Variants in HEATR1 observed in about 807,000 individuals in gnomAD.
HEATR1 encodes HEAT repeat-containing protein 1.
HEATR1 carries 77 observed loss-of-function variants against 248.2 expected under a neutral mutation model. The ratio of observed to expected loss-of-function variants is 0.31; its 90% confidence interval spans 0.26 to 0.37. The LOEUF (loss-of-function observed/expected upper bound fraction) is 0.37, where lower values mean the gene tolerates loss of function less well. Among genes scored for constraint, HEATR1 ranks in the 10% least tolerant of loss-of-function variants. The pLI is 1.00. For missense variants in HEATR1, 2,420 were observed against 2,504.9 expected (o/e 0.97, Z 0.72); for synonymous variants, 897 against 923.1 (o/e 0.97, Z 0.51).
intron 11 of HEATR1, among the ~76,000 whole-genome samples, chr1:236,591,759 C>G (rs1190861204): frequency 2.6e-5 from 4 of 152,150 alleles, no homozygotes; most frequent in Admixed American, 6.5e-5. Flanking sequence ...TCAAACAATA[C>G]TTTTCCTGAA....
rs1663354646 is a variant in HEATR1, at chr1:236,569,118, C to T, written c.3955G>A (p.Val1319Ile). ...AAAATAGACATGATATTGTGTAAAA[C>T]TTTATCCTGAAAGAAAACACAACTA... The part of the protein sequence containing the change: ...GTVAGIFPDK[V>I]LHNIMSIFTF... The change falls in exon 29 of 45, where the codon GTT (valine) becomes ATT (isoleucine). Residue 1319 changes from valine to isoleucine, a missense_variant. Physicochemically the swap from Val to Ile is conservative, Grantham distance 29. Coordinates refer to ENST00000366582, the MANE Select transcript of HEATR1 (RefSeq NM_018072.6). 2 of 1,575,648 alleles carry T rather than the reference C, an allele frequency of 1.3e-6. No individual in the cohort carries two copies. Among genetic ancestry groups the T allele is most frequent in the Non-Finnish European group, 8.6e-7 (1 of 1,166,584 alleles).
intron 19 of HEATR1, 140 bp downstream of exon 19, chr1:236,582,596 T>C (rs555435326): frequency 2.5e-6 from 2 of 789,336 alleles, no homozygotes; most frequent in South Asian, 3.6e-5. Flanking sequence ...AGAAATGGAG[T>C]TTCACTATGT....
Position 236,565,897 on chromosome 1 carries a change from G to A in HEATR1, c.4435+22C>T, listed in dbSNP as rs765490977. The A allele has an allele frequency of 3.1e-6, 5 of 1,606,020 alleles. No individual in the cohort carries two copies. The South Asian group carries it at 3.3e-5, about 11-fold the overall frequency. On this transcript the variant is annotated intron_variant, in intron 31 of 44. Coordinates refer to ENST00000366582, the MANE Select transcript of HEATR1 (RefSeq NM_018072.6). ...CTTTAGCTTTCAGATTGAACAGTAAGTGACACCCGATCTACGCTTACCTTC... is the reference window on the plus strand; with the variant it reads ...CTTTAGCTTTCAGATTGAACAGTAAATGACACCCGATCTACGCTTACCTTC...
chr1:236,597,868 G>C lies in HEATR1; in HGVS notation c.603+10C>G. The stretch of plus-strand genomic sequence containing the variant: ...CATAAAATTATATACTCATGAAACA[G>C]ACTGCTCACCTTCACAGATTTTGTC... On this transcript the variant is annotated intron_variant, in intron 5 of 44. Coordinates refer to ENST00000366582, the MANE Select transcript of HEATR1 (RefSeq NM_018072.6). 1 of 1,580,644 alleles carries C rather than the reference G, an allele frequency of 6.3e-7. No individual in the cohort carries two copies. The highest frequency in any genetic ancestry group is 8.7e-7 in the Non-Finnish European group (1 of 1,150,706).
chr1:236,567,355 C>A (rs1663299411), intron 29 of HEATR1, among the ~76,000 whole-genome samples: 1 of 152,106 alleles, frequency 6.6e-6, no homozygotes, highest in African/African-American at 2.4e-5. Flanking sequence ...TACTTAGCCC[C>A]AAGGGGAATA....
chr1:236,581,173 A>G (rs759035463), intron 20 of HEATR1, 49 bp downstream of exon 20: 1 of 1,441,464 alleles, frequency 6.9e-7, no homozygotes, highest in Non-Finnish European at 9.7e-7. Context: ...ATATAGAGAA[A>G]GCATGAACAG....
At chr1:236,579,995 T>G (rs1396586374) in intron 20 of HEATR1, among the ~76,000 whole-genome samples, 5 of 151,876 alleles carry the variant, frequency 3.3e-5, no homozygotes, top group Admixed American at 6.6e-5. Flanking sequence ...CCAGGGCCAC[T>G]CCTATGCCTC....
Position 236,555,437 on chromosome 1 carries a change from C to T in HEATR1, c.5782G>A (p.Ala1928Thr). 6.2e-7 allele frequency: 1 copy of T among 1,614,210 alleles called. No individual in the cohort carries two copies. Among genetic ancestry groups the T allele is most frequent in the Non-Finnish European group, 8.5e-7 (1 of 1,180,046 alleles). The change falls in exon 41 of 45, where the codon GCC becomes ACC. Residue 1928 changes from alanine to threonine, a missense_variant. Ala to Thr is a moderately conservative substitution (Grantham distance 58). Coordinates refer to ENST00000366582, the MANE Select transcript of HEATR1 (RefSeq NM_018072.6). ...AATGTCAACAACCTGTCCTTTGGGG[C>T]ATCTTCTGTTTTAGCCCAATCAAAC... The part of the protein sequence containing the change: ...KLFDWAKTED[A>T]PKDRLLTFYN...
At chr1:236,583,240 C>G in intron 17 of HEATR1, 44 bp from the exon 18 acceptor site, 1 of 1,505,500 alleles carries the variant, frequency 6.6e-7, no homozygotes, top group Non-Finnish European at 9.0e-7. Flanking sequence ...ACTAAGGGTT[C>G]TGAACATGGG....
At chr1:236,557,163 C>G in intron 37 of HEATR1, 32 bp downstream of exon 37, 4 of 1,608,022 alleles carry the variant, frequency 2.5e-6, no homozygotes, top group Non-Finnish European at 3.4e-6. Context: ...CCCAGCCACC[C>G]TGCGTAGCAT....
At chr1:236,596,555 C>T (rs978827973) in intron 6 of HEATR1, among the ~76,000 whole-genome samples, 2 of 152,152 alleles carry the variant, frequency 1.3e-5, no homozygotes, top group Non-Finnish European at 2.9e-5. Context: ...CTGTCTGCTC[C>T]GTCCTCCTTC....
At position 236,571,621 on chromosome 1, in the gene HEATR1, C is replaced by A; in HGVS notation, c.3773G>T (p.Cys1258Phe). The part of the protein sequence containing the change: ...MEYTKQLILS[C>F]LLNICQKLSP... The stretch of plus-strand genomic sequence containing the variant: ...TAGTTTTTGGCAGATGTTGAGCAGA[C>A]AACTAAGAATTAATTGTTTGGTGTA... Residue 1258 changes from cysteine (C) to phenylalanine (F), a missense_variant, in exon 27 of 45, where the codon TGT (cysteine) becomes TTT (phenylalanine). Transcript: ENST00000366582. 1.2e-6 allele frequency: 2 copies of A among 1,614,130 alleles called. No individual in the cohort carries two copies. Among genetic ancestry groups the A allele is most frequent in the Non-Finnish European group, 1.7e-6 (2 of 1,179,960 alleles).
chr1:236,564,650 T>C lies in HEATR1; in HGVS notation c.4447A>G (p.Lys1483Glu), dbSNP rs759721801. ...TCACTCTTATTAAATGACACTGCTTTGGGAATGGTTTCTGAAACAGCAATA... is the reference window on the plus strand; with the variant it reads ...TCACTCTTATTAAATGACACTGCTTCGGGAATGGTTTCTGAAACAGCAATA... The part of the protein sequence containing the change: ...LPEEKEETIP[K>E]AVSFNKSESQ... Residue 1483 changes from lysine to glutamate, a missense_variant, in exon 32 of 45, where the codon AAA becomes GAA. Lys to Glu is a moderately conservative substitution (Grantham distance 56). Coordinates refer to ENST00000366582, the MANE Select transcript of HEATR1 (RefSeq NM_018072.6). 1.9e-6 allele frequency: 3 copies of C among 1,610,590 alleles called. No homozygotes were observed. In the East Asian group the frequency reaches 6.7e-5, roughly 36 times the overall value.
chr1:236,578,425 C>T (rs1279268540), intron 20 of HEATR1, among the ~76,000 whole-genome samples: 1 of 152,154 alleles, frequency 6.6e-6, no homozygotes, highest in Non-Finnish European at 1.5e-5. Context: ...CCTTTGTTTT[C>T]CCAATTATGA....
At chr1:236,575,422 G>C (rs570473993) in intron 22 of HEATR1, among the ~76,000 whole-genome samples, 82 of 152,216 alleles carry the variant, frequency 5.4e-4, no homozygotes, top group African/African-American at 1.9e-3. Context: ...CCCTGTCTGT[G>C]GCTGCTTTCC....
chr1:236,569,237 G>T, intron 28 of HEATR1, 113 bp from the exon 29 acceptor site: 1 of 739,260 alleles, frequency 1.4e-6, no homozygotes, highest in Non-Finnish European at 2.1e-6. Context: ...GTGCAGTTGT[G>T]TGATCACAGT....
chr1:236,574,512 C>T (rs1023317432), intron 23 of HEATR1, 149 bp downstream of exon 23: 1 of 1,197,220 alleles, frequency 8.4e-7, no homozygotes, highest in African/African-American at 1.6e-5. Context: ...GGGTCAAATA[C>T]ATCATTTTCC....
In HEATR1 at chr1:236,566,805, A is replaced by G; in HGVS notation, c.4149T>C (p.Phe1383=). The change falls in exon 30 of 45, where the codon TTT becomes TTC. Residue 1383 remains phenylalanine (F), a synonymous_variant. Transcript: ENST00000366582. ...CCGGGACGTGTGGCAGCGCATCCAC[A>G]AATACACTAATGATTTTTACCACAA... is the stretch of plus-strand genomic sequence containing the variant. ...EEIVVKIISV[F]VDALPHVPEH... is the part of the protein sequence containing the mutation. The G allele has an allele frequency of 6.2e-7, 1 of 1,614,150 alleles. No individual in the cohort carries two copies. Among genetic ancestry groups the G allele is most frequent in the Non-Finnish European group, 8.5e-7 (1 of 1,180,022 alleles).
At chr1:236,582,171 C>G (rs1379216877) in intron 19 of HEATR1, among the ~76,000 whole-genome samples, 2 of 152,090 alleles carry the variant, frequency 1.3e-5, no homozygotes, top group Admixed American at 6.5e-5. Context: ...GTGGAGCGAT[C>G]TCCGCTCACT....
Sources: allele counts gnomAD v4.1 joint callset (sites outside exome capture counted in the v4.1 genomes callset), GRCh38; gene constraint gnomAD v4.1.1; transcripts MANE v1.5; gene names NCBI Gene and HGNC (gene_info 2026-07-23, HGNC 2026-07-21).